The following MEIG1 variants were observed in gnomAD, a reference collection of about 807,000 sequenced individuals.
The protein encoded by MEIG1 is meiosis/spermiogenesis associated 1, also known as meiosis expressed gene 1 protein homolog.
In MEIG1, 12 loss-of-function variants were observed where a neutral mutation model predicts 11.3. That is an observed-to-expected ratio of 1.07 (90% CI 0.68 to 1.73). The LOEUF is 1.73. Ranked by LOEUF, MEIG1 falls within the 40% of genes most tolerant of loss-of-function variation. The pLI is 0.00. For synonymous variants in MEIG1, 41 were observed against 33.2 expected, an observed-to-expected ratio of 1.24 and a Z score of -0.81; for missense variants, 119 against 104.9, an observed-to-expected ratio of 1.13 and a Z score of -0.59.
rs183843584 is a variant in MEIG1 at position 14,970,711 on chromosome 10, A to C, written c.139-1802A>C. ...ACACAAAAAATGAAGATGTGTTATT[A>C]GAAAGTAAAAGACATGTGGACACAG... On this transcript the variant is annotated intron_variant, in intron 2 of 2. Coordinates refer to ENST00000407572, the MANE Select transcript of MEIG1 (RefSeq NM_001080836.3). Among the ~76,000 whole-genome samples the C allele has an allele frequency of 9.6e-3, 1,465 of 152,360 alleles. 9 individuals carry two copies. The highest frequency in any genetic ancestry group is 0.048 in the Middle Eastern group (14 of 294).
upstream of MEIG1, among the ~76,000 whole-genome samples, chr10:14,957,387 C>T (rs920325302): frequency 3.3e-5 from 5 of 152,190 alleles, no homozygotes; most frequent in African/African-American, 1.2e-4. Context: ...TCCACAGCAT[C>T]GGAAGGGCAG....
chr10:14,954,461 A>C, upstream of MEIG1: 1 of 274,278 alleles, frequency 3.6e-6, no homozygotes, highest in Non-Finnish European at 7.3e-6. Flanking sequence ...CTAGCCTGAA[A>C]CCCGAGCTCA....
chr10:14,962,762 AT>A (rs200912748), intron 1 of MEIG1, among the ~76,000 whole-genome samples: 4,362 of 146,312 alleles, frequency 0.03, 120 homozygotes, highest in Admixed American at 0.092. Context: ...CTAATTTGGA[AT>A]TTTTTTTTTT....
At chr10:14,958,760 G>T (rs546305636), upstream of MEIG1, among the ~76,000 whole-genome samples, 16 of 152,242 alleles carry the variant, frequency 1.1e-4, no homozygotes, top group African/African-American at 3.6e-4. Context: ...GCCAGGCGTG[G>T]TGGTGGGTGC....
upstream of MEIG1, among the ~76,000 whole-genome samples, chr10:14,958,233 A>G (rs1399294302): frequency 6.6e-6 from 1 of 152,072 alleles, no homozygotes; most frequent in African/African-American, 2.4e-5. Context: ...TTGAATATAC[A>G]TTGATATACA....
At chr10:14,983,279 A>C (rs1843283637) in intron 1 of MEIG1, among the ~76,000 whole-genome samples, 2 of 152,160 alleles carry the variant, frequency 1.3e-5, no homozygotes, top group African/African-American at 4.8e-5. Context: ...ACGGAAGAAG[A>C]GAATGCTATT....
downstream of MEIG1, among the ~76,000 whole-genome samples, chr10:14,976,502 C>T (rs1843211633): frequency 2.0e-5 from 3 of 152,072 alleles, no homozygotes; most frequent in South Asian, 2.1e-4. Flanking sequence ...GATGTCACCT[C>T]TTATGTCACA....
At chr10:14,973,497 C>A (rs926814987), downstream of MEIG1, among the ~76,000 whole-genome samples, 1 of 152,112 alleles carries the variant, frequency 6.6e-6, no homozygotes, top group African/African-American at 2.4e-5. Context: ...AGGCTGGGCA[C>A]AGTGACCCAC....
At chr10:14,970,260 C>G (rs1439569027) in intron 2 of MEIG1, 1 of 152,126 alleles carries the variant, frequency 6.6e-6, no homozygotes, top group Non-Finnish European at 1.5e-5. Flanking sequence ...AAGAAAGTTT[C>G]CCAGATCAAA....
At chr10:14,978,356 T>G (rs1843231838) in intron 1 of MEIG1, among the ~76,000 whole-genome samples, 1 of 151,950 alleles carries the variant, frequency 6.6e-6, no homozygotes, top group African/African-American at 2.4e-5. Flanking sequence ...ACTGCTAATA[T>G]CACAGTGATT....
At chr10:14,977,466 A>G (rs1843220864), downstream of MEIG1, among the ~76,000 whole-genome samples, 1 of 151,952 alleles carries the variant, frequency 6.6e-6, no homozygotes, top group South Asian at 2.1e-4. Flanking sequence ...ACCGTGTGAT[A>G]TTGTTCCCAA....
At chr10:14,963,245 C>T (rs147682304) in intron 1 of MEIG1, among the ~76,000 whole-genome samples, 3,033 of 152,112 alleles carry the variant, frequency 0.02, 100 homozygotes, top group African/African-American at 0.069. Flanking sequence ...TACAGGCATG[C>T]GCCACCACGC....
intron 1 of MEIG1, among the ~76,000 whole-genome samples, chr10:14,986,285 A>G (rs1362077647): frequency 2.6e-5 from 4 of 152,178 alleles, no homozygotes; most frequent in African/African-American, 7.2e-5. Context: ...AGATTGCACC[A>G]TCACACTTCA....
At chr10:14,971,307 G>T (rs1457703718) in intron 2 of MEIG1, among the ~76,000 whole-genome samples, 2 of 151,346 alleles carry the variant, frequency 1.3e-5, no homozygotes, top group African/African-American at 4.8e-5. Flanking sequence ...AAGGTAGGAG[G>T]ACTGCTTTAG....
intron 2 of MEIG1, 79 bp from the exon 3 acceptor site, chr10:14,972,434 T>G (rs567348546): frequency 7.0e-6 from 11 of 1,578,378 alleles, no homozygotes; most frequent in Middle Eastern, 1.7e-4. Flanking sequence ...AGTCATACTT[T>G]TTAACTATTT....
exon 2 of MEIG1, chr10:14,986,823 C>A (rs1237074754): frequency 5.5e-6 from 2 of 360,886 alleles, no homozygotes. Context: ...GTTGGCCAAG[C>A]GGGTCTCGAA....
At chr10:14,968,225 C>T (rs61842866) in intron 2 of MEIG1, among the ~76,000 whole-genome samples, 87 of 152,284 alleles carry the variant, frequency 5.7e-4, no homozygotes, top group Admixed American at 1.2e-3. Context: ...TGGTGGCTCA[C>T]GCCTGCAATC....
At chr10:14,969,433 G>C (rs543857982) in intron 2 of MEIG1, among the ~76,000 whole-genome samples, 1 of 148,104 alleles carries the variant, frequency 6.8e-6, no homozygotes, top group African/African-American at 2.5e-5. Context: ...GGGTGAGAGA[G>C]CAAGACCCTG....
downstream of MEIG1, among the ~76,000 whole-genome samples, chr10:14,974,706 T>A (rs1266203987): frequency 6.6e-6 from 1 of 152,108 alleles, no homozygotes; most frequent in African/African-American, 2.4e-5. Flanking sequence ...ATTAAAGAGT[T>A]ATACTCACGA....
Sources: gnomAD v4.1 joint callset for allele counts (sites outside exome capture counted in the v4.1 genomes callset) on GRCh38, gnomAD v4.1.1 for gene constraint, MANE v1.5 for transcripts, NCBI Gene and HGNC (gene_info 2026-07-23, HGNC 2026-07-21) for gene names.